The following ZSCAN18 variants were observed in gnomAD, a reference collection of about 807,000 sequenced individuals.
The protein encoded by ZSCAN18 is zinc finger and SCAN domain-containing protein 18.
A neutral mutation model predicts 31.1 loss-of-function variants in ZSCAN18; 16 were observed. The observed-to-expected ratio is 0.51, with a 90% CI of 0.35 to 0.78. ZSCAN18 has a LOEUF of 0.78. Ranked by LOEUF, ZSCAN18 falls within the 30% of genes least tolerant of loss-of-function variation. ZSCAN18 has a pLI of 0.01. For missense variants in ZSCAN18, 731 were observed against 697.4 expected, an observed-to-expected ratio of 1.05 and a Z score of -0.54; for synonymous variants, 375 against 320.7, an observed-to-expected ratio of 1.17 and a Z score of -1.81.
At chr19:58,100,384 C>T (rs2074583581), upstream of ZSCAN18, among the ~76,000 whole-genome samples, 1 of 152,144 alleles carries the variant, frequency 6.6e-6, no homozygotes, top group Non-Finnish European at 1.5e-5. Context: ...CCTCCCAGCA[C>T]TCAGATGTGT....
chr19:58,085,739 C>T (rs1207876964), intron 6 of ZSCAN18: 1 of 351,122 alleles, frequency 2.8e-6, no homozygotes, highest in African/African-American at 2.1e-5. Flanking sequence ...GCGCACCCTC[C>T]TGGAGGGAGG....
intron 1 of ZSCAN18, among the ~76,000 whole-genome samples, chr19:58,117,888 AG>A (rs1440036124): frequency 6.6e-6 from 1 of 152,002 alleles, no homozygotes; most frequent in Non-Finnish European, 1.5e-5. Flanking sequence ...CACAGGGCGA[AG>A]GGAGAGGAAA....
intron 1 of ZSCAN18, among the ~76,000 whole-genome samples, chr19:58,105,013 T>C (rs2146021143): frequency 6.6e-6 from 1 of 152,360 alleles, no homozygotes; most frequent in South Asian, 2.1e-4. Flanking sequence ...AGGCCGACTC[T>C]TGTTAAGGGC....
At chr19:58,087,434 A>G (rs770725162) in intron 3 of ZSCAN18, 30 bp from the exon 4 acceptor site, 1 of 1,571,636 alleles carries the variant, frequency 6.4e-7, no homozygotes, top group Non-Finnish European at 8.7e-7. Context: ...GAGCTGAGGC[A>G]ATGAGCTCCC....
intron 5 of ZSCAN18, 184 bp downstream of exon 5, chr19:58,086,722 A>ATC: frequency 1.7e-6 from 1 of 581,262 alleles, no homozygotes; most frequent in Middle Eastern, 4.6e-4. Flanking sequence ...GGCAGAACTC[A>ATC]GATGTTTAGA....
At chr19:58,087,276 G>T in intron 4 of ZSCAN18, 40 bp downstream of exon 4, 1 of 1,560,056 alleles carries the variant, frequency 6.4e-7, no homozygotes, top group Non-Finnish European at 8.7e-7. Context: ...CCTCTAAGCT[G>T]AGGCCAAGGC....
Position 58,085,005 on chromosome 19 carries a change from G to T in ZSCAN18, c.1213C>A (p.Pro405Thr). 1 of 1,592,986 alleles carries T rather than the reference G, an allele frequency of 6.3e-7. No homozygotes were observed. Among genetic ancestry groups the T allele is most frequent in the South Asian group, 1.1e-5 (1 of 88,522 alleles). Residue 405 changes from proline (P) to threonine (T), a missense_variant, in exon 7 of 7, where the codon CCG becomes ACG. This residue lies in a region of ZSCAN18 where 597 missense variants were observed against 499.5 expected (regional missense o/e 1.20). Transcript: ENST00000601144. ...EAGQGPGADE[P>T]GLSRGKPYAC... Reference sequence around the variant, plus strand: ...TAGGGCTTCCCGCGGGACAAGCCCGGCTCGTCAGCCCCAGGGCCCTGCCCG... The same window carrying T: ...TAGGGCTTCCCGCGGGACAAGCCCGTCTCGTCAGCCCCAGGGCCCTGCCCG...
At chr19:58,087,219 T>C (rs1316872370) in intron 4 of ZSCAN18, 97 bp downstream of exon 4, 5 of 1,317,882 alleles carry the variant, frequency 3.8e-6, no homozygotes, top group Non-Finnish European at 5.3e-6. Flanking sequence ...CTGTGGACGT[T>C]TGGGGCCACA....
intron 5 of ZSCAN18, 129 bp downstream of exon 5, chr19:58,086,777 C>A: frequency 1.5e-6 from 1 of 652,652 alleles, no homozygotes; most frequent in Non-Finnish European, 2.6e-6. Flanking sequence ...AGCTCCAACA[C>A]GTGCAAGTTC....
chr19:58,116,893 T>C (rs951406753), intron 1 of ZSCAN18, among the ~76,000 whole-genome samples: 2 of 152,148 alleles, frequency 1.3e-5, no homozygotes, highest in Non-Finnish European at 2.9e-5. Flanking sequence ...AATATCTTTT[T>C]TACTTCTATT....
chr19:58,113,810 C>A (rs1331120052), intron 1 of ZSCAN18, among the ~76,000 whole-genome samples: 2 of 152,096 alleles, frequency 1.3e-5, no homozygotes, highest in Non-Finnish European at 2.9e-5. Flanking sequence ...GAAACCCCAT[C>A]TCTACTAAAA....
intron 1 of ZSCAN18, among the ~76,000 whole-genome samples, chr19:58,095,893 C>T (rs900621951): frequency 3.9e-5 from 6 of 152,204 alleles, no homozygotes; most frequent in Non-Finnish European, 8.8e-5. Flanking sequence ...CGCCCAACTC[C>T]AAGGAAGCTG....
At position 58,085,327 on chromosome 19, in the gene ZSCAN18, G is replaced by C. The variant is rs771608345; in HGVS notation, c.891C>G (p.Pro297=). 2 of 1,595,132 alleles carry C rather than the reference G, an allele frequency of 1.3e-6. No homozygotes were observed. The highest frequency in any genetic ancestry group is 1.3e-5 in the African/African-American group (1 of 74,752). The change falls in exon 7 of 7, where the codon CCC becomes CCG. Residue 297 remains proline, a synonymous_variant. Transcript: ENST00000601144. Reference sequence around the variant, plus strand: ...TAGGCAGCTCAGGCAGCACCCCCGCGGGGGCGGCCTCCTCGCAGGCGCACC... The same window carrying C: ...TAGGCAGCTCAGGCAGCACCCCCGCCGGGGCGGCCTCCTCGCAGGCGCACC... The part of the protein sequence containing the change: ...SAGCACEEAA[P]AGVLPELPTE...
chr19:58,089,306 A>C (rs1467227091), intron 2 of ZSCAN18, among the ~76,000 whole-genome samples: 273 of 10,556 alleles, frequency 0.026, 49 homozygotes, highest in Non-Finnish European at 0.046. Context: ...CCGTCTCAAA[A>C]AAAAAAAAAA....
intron 1 of ZSCAN18, among the ~76,000 whole-genome samples, chr19:58,112,567 C>T (rs1365270865): frequency 6.6e-6 from 1 of 151,916 alleles, no homozygotes; most frequent in East Asian, 1.9e-4. Context: ...AGGAGAATGG[C>T]GTGAACCCAG....
chr19:58,118,305 C>A, exon 1 of ZSCAN18: 1 of 1,516,878 alleles, frequency 6.6e-7, no homozygotes, highest in East Asian at 2.7e-5. Context: ...TGGGCGGGAA[C>A]GGAGGAAACA....
chr19:58,118,353 GC>G lies in ZSCAN18; in HGVS notation c.43del (p.Ala15ArgfsTer58). On this transcript the variant is annotated frameshift_variant, in exon 1 of 2. Transcript: ENST00000595721. LOFTEE classifies it high-confidence loss of function. ...CGCGAGAGGACGGAACTCACTTCCC[GC>G]CGCCGTAGCGTCCTCGTCAGCTCGC... The G allele has an allele frequency of 6.5e-7, 1 of 1,532,750 alleles. No individual in the cohort carries two copies. The highest frequency in any genetic ancestry group is 8.8e-7 in the Non-Finnish European group (1 of 1,138,672). The allele number at this position is 1,532,750 out of a possible 1,614,324, so 94.9% of individuals were successfully genotyped here.
At chr19:58,107,662 T>C in intron 1 of ZSCAN18, 1 of 986,314 alleles carries the variant, frequency 1.0e-6, no homozygotes, top group Non-Finnish European at 1.2e-6. Flanking sequence ...ATTTGTTACT[T>C]TCAAACAACA....
intron 1 of ZSCAN18, among the ~76,000 whole-genome samples, chr19:58,094,223 C>A (rs1264685859): frequency 6.7e-6 from 1 of 149,774 alleles, no homozygotes; most frequent in Non-Finnish European, 1.5e-5. Context: ...CCGTGAAACC[C>A]CATCTCTACT....
Sources: allele counts gnomAD v4.1 joint callset (sites outside exome capture counted in the v4.1 genomes callset), GRCh38; gene constraint gnomAD v4.1.1; regional missense constraint gnomAD v4.1.1; transcripts MANE v1.5; gene names NCBI Gene and HGNC (gene_info 2026-07-23, HGNC 2026-07-21).